Variants in CLIC4 observed in about 807,000 individuals in gnomAD.
CLIC4 encodes chloride intracellular channel protein 4.
CLIC4 carries 13 observed loss-of-function variants against 24.6 expected under a neutral mutation model. The ratio of observed to expected loss-of-function variants is 0.53; its 90% CI spans 0.34 to 0.84. The LOEUF is 0.84. Ranked by LOEUF, CLIC4 falls within the 40% of genes least tolerant of loss-of-function variation. The probability of loss-of-function intolerance (pLI) is 0.01; values close to 1 mark genes in which losing one functional copy is unlikely to be tolerated. For missense variants in CLIC4, 227 were observed against 301.7 expected (o/e 0.75, Z 1.83); for synonymous variants, 104 against 111.3 (o/e 0.93, Z 0.41).
intron 1 of CLIC4, 23 bp downstream of exon 1, chr1:24,745,648 C>G: frequency 6.5e-7 from 1 of 1,528,024 alleles, no homozygotes; most frequent in South Asian, 1.2e-5. Flanking sequence ...CTCGCGGTCC[C>G]GCCCGGCAGA....
intron 3 of CLIC4, among the ~76,000 whole-genome samples, chr1:24,816,528 A>G (rs1639671315): frequency 6.6e-6 from 1 of 152,098 alleles, no homozygotes; most frequent in Admixed American, 6.6e-5. Context: ...CAGGTGTGGT[A>G]TGAGCCACCA....
intron 1 of CLIC4, among the ~76,000 whole-genome samples, chr1:24,755,155 A>G (rs898005052): frequency 3.4e-5 from 5 of 148,634 alleles, no homozygotes; most frequent in Middle Eastern, 3.5e-3. Flanking sequence ...TTTAGTAGAG[A>G]TGGGGTTTCA....
intron 1 of CLIC4, among the ~76,000 whole-genome samples, chr1:24,768,419 A>T (rs1006740326): frequency 2.0e-5 from 3 of 152,188 alleles, no homozygotes; most frequent in African/African-American, 7.2e-5. Context: ...ACACATCTAC[A>T]TTTCTCTTAA....
chr1:24,772,465 T>C (rs1056060652), intron 1 of CLIC4, among the ~76,000 whole-genome samples: 3 of 152,164 alleles, frequency 2.0e-5, no homozygotes, highest in Non-Finnish European at 2.9e-5. Context: ...AATATATAAT[T>C]TTTGCGGAAA....
At chr1:24,838,093 G>A (rs1240619415) in intron 4 of CLIC4, among the ~76,000 whole-genome samples, 12 of 152,090 alleles carry the variant, frequency 7.9e-5, no homozygotes, top group Admixed American at 5.2e-4. Context: ...CCCCTAAATC[G>A]GTTTCTCCTT....
chr1:24,806,867 A>T (rs923954664), intron 2 of CLIC4, among the ~76,000 whole-genome samples: 1 of 152,190 alleles, frequency 6.6e-6, no homozygotes, highest in African/African-American at 2.4e-5. Context: ...TCCAGACCCA[A>T]AGAGGTTGTA....
intron 3 of CLIC4, among the ~76,000 whole-genome samples, chr1:24,817,003 C>T (rs935404987): frequency 2.0e-5 from 3 of 152,180 alleles, no homozygotes; most frequent in Non-Finnish European, 1.5e-5. Context: ...CTAATGTCAA[C>T]AGCTGGATTA....
chr1:24,787,473 T>G (rs1374605168), intron 1 of CLIC4, among the ~76,000 whole-genome samples: 1 of 152,168 alleles, frequency 6.6e-6, no homozygotes. Flanking sequence ...TTCACCCATT[T>G]AAAATATACA....
chr1:24,802,019 C>G (rs934792243), intron 2 of CLIC4, among the ~76,000 whole-genome samples: 3 of 152,122 alleles, frequency 2.0e-5, no homozygotes, highest in East Asian at 1.9e-4. Context: ...AATATAACTC[C>G]TAAAAATAGA....
At chr1:24,777,299 A>C (rs1272392635) in intron 1 of CLIC4, among the ~76,000 whole-genome samples, 2 of 152,188 alleles carry the variant, frequency 1.3e-5, no homozygotes, top group African/African-American at 4.8e-5. Context: ...TAATGCTAGC[A>C]CTTTGGGAGG....
chr1:24,813,955 C>T, intron 2 of CLIC4, 139 bp from the exon 3 acceptor site: 1 of 887,726 alleles, frequency 1.1e-6, no homozygotes, highest in Admixed American at 2.3e-5. Flanking sequence ...CTGGGCTAAG[C>T]AGTGTCCCAC....
chr1:24,805,660 G>A (rs1639542704), intron 2 of CLIC4, among the ~76,000 whole-genome samples: 2 of 151,848 alleles, frequency 1.3e-5, no homozygotes, highest in South Asian at 2.1e-4. Flanking sequence ...TTCTTCGTTG[G>A]GCAAGTCAAC....
chr1:24,760,010 G>A (rs1157859898), intron 1 of CLIC4, among the ~76,000 whole-genome samples: 1 of 151,950 alleles, frequency 6.6e-6, no homozygotes, highest in Non-Finnish European at 1.5e-5. Context: ...TCAATAATTA[G>A]TTGCATGTTA....
intron 1 of CLIC4, among the ~76,000 whole-genome samples, chr1:24,755,701 T>TA (rs145789397): frequency 8.1e-4 from 122 of 150,058 alleles, no homozygotes; most frequent in Non-Finnish European, 1.3e-3. Flanking sequence ...AAAACAAAAT[T>TA]AAAAAAAAAA....
intron 4 of CLIC4, among the ~76,000 whole-genome samples, chr1:24,829,617 A>G (rs1360403155): frequency 6.6e-6 from 1 of 152,138 alleles, no homozygotes; most frequent in African/African-American, 2.4e-5. Context: ...GATATTTATA[A>G]TACTCAGTCA....
intron 1 of CLIC4, among the ~76,000 whole-genome samples, chr1:24,768,699 C>G (rs1306040241): frequency 6.6e-5 from 10 of 151,930 alleles, no homozygotes; most frequent in African/African-American, 2.2e-4. Context: ...GTCAGGAGTT[C>G]GAGACCAGCC....
chr1:24,787,295 C>T (rs1158027547), intron 1 of CLIC4, among the ~76,000 whole-genome samples: 1 of 151,950 alleles, frequency 6.6e-6, no homozygotes, highest in Non-Finnish European at 1.5e-5. Context: ...GAGTTTGAGA[C>T]CAACCTGGCC....
chr1:24,748,834 A>C (rs376479813), intron 1 of CLIC4, among the ~76,000 whole-genome samples: 1 of 152,114 alleles, frequency 6.6e-6, no homozygotes, highest in Non-Finnish European at 1.5e-5. Flanking sequence ...AAAAAAGGAC[A>C]GGTAAAATGT....
intron 1 of CLIC4, among the ~76,000 whole-genome samples, chr1:24,780,264 C>T (rs1451727430): frequency 6.6e-6 from 1 of 152,210 alleles, no homozygotes; most frequent in Non-Finnish European, 1.5e-5. Flanking sequence ...ATATCACACT[C>T]ATGCTTAAGT....
Sources: allele counts gnomAD v4.1 joint callset (sites outside exome capture counted in the v4.1 genomes callset), GRCh38; gene constraint gnomAD v4.1.1; transcripts MANE v1.5; gene names NCBI Gene and HGNC (gene_info 2026-07-23, HGNC 2026-07-21).